SLC47A2: variants seen among roughly 807,000 people sequenced by gnomAD.
SLC47A2 encodes solute carrier family 47 member 2.
In SLC47A2, 52 loss-of-function variants were observed where a neutral mutation model predicts 67.7. That is an observed-to-expected ratio of 0.77 (90% CI 0.61 to 0.97). The LOEUF is 0.97. Among genes scored for constraint, SLC47A2 ranks in the 50% least tolerant of loss-of-function variants. The probability of loss-of-function intolerance (pLI) is 0.00; values close to 1 mark genes in which losing one functional copy is unlikely to be tolerated. For synonymous variants in SLC47A2, 278 were observed against 292.9 expected, an observed-to-expected ratio of 0.95 and a Z score of 0.52; for missense variants, 676 against 712.3, an observed-to-expected ratio of 0.95 and a Z score of 0.58.
chr17:19,714,091 G>A, intron 3 of SLC47A2, 118 bp from the exon 4 acceptor site: 3 of 1,390,480 alleles, frequency 2.2e-6, no homozygotes, highest in Non-Finnish European at 2.9e-6. Context: ...GCGGCCTCTG[G>A]TGACCACAGC....
intron 5 of SLC47A2, among the ~76,000 whole-genome samples, chr17:19,711,011 A>T (rs2086078821): frequency 7.0e-6 from 1 of 143,534 alleles, no homozygotes; most frequent in Admixed American, 7.0e-5. Context: ...GTTTCTCCAT[A>T]TTAGTCAGGC....
At chr17:19,680,646 G>A (rs2085292286) in intron 15 of SLC47A2, among the ~76,000 whole-genome samples, 1 of 152,102 alleles carries the variant, frequency 6.6e-6, no homozygotes, top group Non-Finnish European at 1.5e-5. Flanking sequence ...CCTTTGCTGT[G>A]CCTGAGATGC....
At chr17:19,681,846 A>G (rs780224013) in intron 13 of SLC47A2, among the ~76,000 whole-genome samples, 176 bp from the exon 14 acceptor site, 1 of 152,228 alleles carries the variant, frequency 6.6e-6, no homozygotes, top group Non-Finnish European at 1.5e-5. Context: ...AAGACAGGTC[A>G]GATCACTTGT....
At chr17:19,715,364 T>G in intron 1 of SLC47A2, 147 bp from the exon 2 acceptor site, 1 of 662,880 alleles carries the variant, frequency 1.5e-6, no homozygotes, top group South Asian at 1.8e-5. Flanking sequence ...GGAGGTCGGA[T>G]GACCTAGCCC....
intron 3 of SLC47A2, chr17:19,714,321 C>A (rs1400839565): frequency 2.6e-6 from 1 of 387,916 alleles, no homozygotes; most frequent in East Asian, 4.7e-5. Flanking sequence ...CCATGGCCAC[C>A]TGGGCAGCCC....
chr17:19,711,687 G>T (rs540138764), intron 5 of SLC47A2, among the ~76,000 whole-genome samples: 2 of 150,366 alleles, frequency 1.3e-5, no homozygotes, highest in Admixed American at 6.7e-5. Flanking sequence ...AATAGTCTAT[G>T]CTAGTGGAAG....
intron 2 of SLC47A2, 94 bp from the exon 3 acceptor site, chr17:19,714,883 C>T: frequency 6.4e-7 from 1 of 1,552,894 alleles, no homozygotes; most frequent in Non-Finnish European, 8.9e-7. Context: ...GGAAATGCTG[C>T]CCAGCAGGCA....
intron 5 of SLC47A2, among the ~76,000 whole-genome samples, chr17:19,709,183 T>C (rs4925043): frequency 0.93 from 141,431 of 152,322 alleles, 65,775 homozygotes; most frequent in East Asian, 1. Context: ...AAGGTGTGAC[T>C]TCGGACGAGG....
At chr17:19,681,796 G>A (rs541707496) in intron 13 of SLC47A2, 126 bp from the exon 14 acceptor site, 58 of 1,209,080 alleles carry the variant, frequency 4.8e-5, no homozygotes, top group South Asian at 9.2e-5. Context: ...GCACTGGATG[G>A]GTGCCCTTAT....
At position 19,689,483 on chromosome 17, in the gene SLC47A2, G is replaced by A. The variant is rs2085494491; in HGVS notation, c.1165-7813C>T. Among the ~76,000 whole-genome samples the A allele has an allele frequency of 1.3e-5, 2 of 152,108 alleles. 1 individual carries two copies. Among genetic ancestry groups the A allele is most frequent in the South Asian group, 4.1e-4 (2 of 4,826 alleles). On this transcript the variant is annotated intron_variant, in intron 13 of 16. Transcript: ENST00000433844. ...AGTCCAAGGTGAGTGGGTCTCTTGA[G>A]ACCAGGAGTTCAAGACCAGCCTGGG...
chr17:19,712,863 A>G, intron 4 of SLC47A2, 118 bp from the exon 5 acceptor site: 2 of 951,228 alleles, frequency 2.1e-6, no homozygotes. Flanking sequence ...CTCAGCCAGG[A>G]CTGTGAAACC....
chr17:19,704,126 C>T lies in SLC47A2; in HGVS notation c.962G>A (p.Gly321Glu). The change falls in exon 11 of 17, where the codon GGG becomes GAG. Residue 321 changes from glycine to glutamate, a missense_variant. By Grantham distance (98) the Gly-to-Glu change is moderately conservative. Transcript: ENST00000433844. ...CTTGGCCTGCACAGTATCCGCAGCC[C>T]CCAGAGCCATCCCCACTCGGACACA... ...GVCVRVGMAL[G>E]AADTVQAKRS... 1 of 1,612,594 alleles carries T rather than the reference C, an allele frequency of 6.2e-7. No individual in the cohort carries two copies. The highest frequency in any genetic ancestry group is 1.1e-5 in the South Asian group (1 of 90,996).
At chr17:19,678,958 C>G in intron 16 of SLC47A2, 52 bp from the exon 17 acceptor site, 2 of 1,514,500 alleles carry the variant, frequency 1.3e-6, no homozygotes, top group Non-Finnish European at 1.8e-6. Context: ...AGAGGGAGAG[C>G]TTTGGCCTTG....
chr17:19,695,515 C>CAAAAAAAAAAAAAAAAAAAA (rs201305334), intron 13 of SLC47A2, among the ~76,000 whole-genome samples: 1 of 91,406 alleles, frequency 1.1e-5, no homozygotes, highest in African/African-American at 3.9e-5. Flanking sequence ...AAAAAAACAG[C>CAAAAAAAAAAAAAAAAAAAA]AAAAAAAAAA....
At chr17:19,707,539 C>T (rs980535787) in intron 8 of SLC47A2, among the ~76,000 whole-genome samples, 5 of 152,160 alleles carry the variant, frequency 3.3e-5, no homozygotes, top group Non-Finnish European at 7.4e-5. Context: ...ATGGACCCAG[C>T]AGGGCTCTGC....
chr17:19,699,541 C>T (rs1376895333), intron 13 of SLC47A2, among the ~76,000 whole-genome samples: 1 of 151,630 alleles, frequency 6.6e-6, no homozygotes, highest in Non-Finnish European at 1.5e-5. Context: ...CCAACCCCGC[C>T]TCCCCGCCGA....
Position 19,706,808 on chromosome 17 carries a change from C to T in SLC47A2, c.728-47G>A, listed in dbSNP as rs377674244. On this transcript the variant is annotated intron_variant, in intron 8 of 16. Transcript: ENST00000433844. Reference sequence around the variant, plus strand: ...GCTGACAGCCTGCCCTGCTTGCCCACCTCATTCCTGCTCCCCACTGCCAGG... The same window carrying T: ...GCTGACAGCCTGCCCTGCTTGCCCATCTCATTCCTGCTCCCCACTGCCAGG... 18 of 1,463,824 alleles carry T rather than the reference C, an allele frequency of 1.2e-5. No individual in the cohort carries two copies. In the African/African-American group the frequency reaches 2.4e-4, roughly 20 times the overall value. 90.7% of individuals were successfully genotyped at this position (1,463,824 alleles called of 1,614,324 possible). A position where few individuals can be genotyped will look rare whatever the true frequency, so the allele number is the denominator to read the frequency against.
chr17:19,699,706 A>G (rs567284004), intron 13 of SLC47A2, among the ~76,000 whole-genome samples: 2 of 152,302 alleles, frequency 1.3e-5, no homozygotes, highest in African/African-American at 4.8e-5. Flanking sequence ...CATGAGCTCT[A>G]CTGCACCTGG....
chr17:19,717,164 A>G (rs758427), upstream of SLC47A2: 52,424 of 153,014 alleles, frequency 0.34, 9,493 homozygotes, highest in East Asian at 0.59. Context: ...GCCTGGGGAT[A>G]GGGATGGGAG....
Sources: allele counts gnomAD v4.1 joint callset (sites outside exome capture counted in the v4.1 genomes callset), GRCh38; gene constraint gnomAD v4.1.1; transcripts MANE v1.5; gene names NCBI Gene and HGNC (gene_info 2026-07-23, HGNC 2026-07-21).